The following SV2B variants were observed in gnomAD, a reference collection of about 807,000 sequenced individuals.
The protein encoded by SV2B is solute carrier family 22 member B2.
A neutral mutation model predicts 73.9 loss-of-function variants in SV2B; 41 were observed. The ratio of observed to expected loss-of-function variants is 0.56; its 90% CI spans 0.43 to 0.72. The LOEUF is 0.72. SV2B is among the 30% of genes least tolerant of loss of function. The pLI is 0.00. For synonymous variants in SV2B, 314 were observed against 314.2 expected, an observed-to-expected ratio of 1.00 and a Z score of 0.01; for missense variants, 764 against 857.8, an observed-to-expected ratio of 0.89 and a Z score of 1.37.
At chr15:91,168,331 A>AGAGAGAGAGAGAGAGAG (rs58086579) in intron 1 of SV2B, among the ~76,000 whole-genome samples, 14 of 151,124 alleles carry the variant, frequency 9.3e-5, no homozygotes, top group African/African-American at 1.5e-4. Context: ...AGAGAGAGAG[A>AGAGAGAGAGAGAGAGAG]AAAGAAATTT....
intron 4 of SV2B, among the ~76,000 whole-genome samples, chr15:91,255,785 A>C (rs1283356590): frequency 2.6e-5 from 4 of 152,194 alleles, no homozygotes; most frequent in Non-Finnish European, 5.9e-5. Flanking sequence ...CATCCTAGAA[A>C]TATGGTAGAC....
chr15:91,217,933 A>G (rs1567354773), intron 1 of SV2B, among the ~76,000 whole-genome samples: 2 of 152,196 alleles, frequency 1.3e-5, no homozygotes, highest in African/African-American at 4.8e-5. Flanking sequence ...ACAAAAGACT[A>G]TTTTGTACGG....
intron 9 of SV2B, among the ~76,000 whole-genome samples, chr15:91,269,213 G>A (rs2048213860): frequency 6.6e-6 from 1 of 152,106 alleles, no homozygotes; most frequent in African/African-American, 2.4e-5. Context: ...TGGGACAAAT[G>A]AGATGGGCCA....
rs2046301624 is a variant in SV2B at position 91,224,115 on chromosome 15, C to T, written c.-391-1758C>T. Among the ~76,000 whole-genome samples, 1 of 152,168 alleles carries T rather than the reference C, an allele frequency of 6.6e-6. No homozygotes were observed. Among genetic ancestry groups the T allele is most frequent in the Non-Finnish European group, 1.5e-5 (1 of 68,034 alleles). Reference sequence around the variant, plus strand: ...GTCCAGGGCTGAAGACCAGGAGGGCCAGGAAGCAGGTGTGGGGCAGAGGGC... The same window carrying T: ...GTCCAGGGCTGAAGACCAGGAGGGCTAGGAAGCAGGTGTGGGGCAGAGGGC... On this transcript the variant is annotated intron_variant, in intron 1 of 12. Transcript: ENST00000394232. The surrounding 1 kb of genome is among the most constrained non-coding windows in gnomAD (Gnocchi z 4.9).
At chr15:91,180,000 CATT>C (rs1194038075) in intron 1 of SV2B, among the ~76,000 whole-genome samples, 18 of 151,644 alleles carry the variant, frequency 1.2e-4, no homozygotes, top group African/African-American at 3.9e-4. Flanking sequence ...ATGGTCTTTA[CATT>C]TTGGCATGAT....
At chr15:91,166,690 C>A (rs550483114) in intron 1 of SV2B, among the ~76,000 whole-genome samples, 7 of 152,062 alleles carry the variant, frequency 4.6e-5, no homozygotes, top group Non-Finnish European at 8.8e-5. Flanking sequence ...TTTAATTGAC[C>A]TATTTTCAAG....
chr15:91,282,112 A>G (rs1157175553), intron 10 of SV2B, among the ~76,000 whole-genome samples: 1 of 152,252 alleles, frequency 6.6e-6, no homozygotes, highest in Non-Finnish European at 1.5e-5. Flanking sequence ...GTTGTAGCCA[A>G]ATGTCCTCAT....
At chr15:91,148,968 T>A (rs2043227569) in intron 1 of SV2B, among the ~76,000 whole-genome samples, 1 of 152,172 alleles carries the variant, frequency 6.6e-6, no homozygotes, top group African/African-American at 2.4e-5. Flanking sequence ...CACAGACACA[T>A]CCAGAATAAT....
chr15:91,115,117 C>G lies in SV2B; in HGVS notation c.-392+14754C>G, dbSNP rs1483963547. ...GAAAGAAGGGGACATAGGTCCTGAGCAGGCAAAGCCAACAGGTGTCCACTA... is the reference window on the plus strand; with the variant it reads ...GAAAGAAGGGGACATAGGTCCTGAGGAGGCAAAGCCAACAGGTGTCCACTA... On this transcript the variant is annotated intron_variant, in intron 1 of 12. Transcript: ENST00000394232. This position sits in a 1 kb window ranked among gnomAD's most constrained non-coding sequence, Gnocchi z 4.3. 3.9e-5 allele frequency among the ~76,000 whole-genome samples: 6 copies of G among 152,206 alleles called. No homozygotes were observed. Among genetic ancestry groups the G allele is most frequent in the African/African-American group, 1.4e-4 (6 of 41,458 alleles).
chr15:91,152,764 C>T (rs903772677), intron 1 of SV2B, among the ~76,000 whole-genome samples: 17 of 152,164 alleles, frequency 1.1e-4, no homozygotes, highest in African/African-American at 4.1e-4. Context: ...GGTTTTCTTT[C>T]TGAGCTTCCT....
chr15:91,190,612 G>A (rs149906780), intron 1 of SV2B, among the ~76,000 whole-genome samples: 62 of 152,252 alleles, frequency 4.1e-4, no homozygotes, highest in African/African-American at 1.4e-3. Context: ...GCCAAAGGCA[G>A]AATATTTCTT....
At chr15:91,209,592 G>C (rs2045779856) in intron 1 of SV2B, among the ~76,000 whole-genome samples, 1 of 152,214 alleles carries the variant, frequency 6.6e-6, no homozygotes, top group African/African-American at 2.4e-5. Context: ...GCCAGACTGA[G>C]ATAATATGTG....
chr15:91,204,168 A>C (rs1481923911), intron 1 of SV2B, among the ~76,000 whole-genome samples: 2 of 152,026 alleles, frequency 1.3e-5, no homozygotes, highest in Non-Finnish European at 2.9e-5. Flanking sequence ...GCTCCCTCTG[A>C]CCCTGCTATG....
intron 1 of SV2B, among the ~76,000 whole-genome samples, chr15:91,202,747 C>T (rs1261292854): frequency 1.3e-5 from 2 of 152,238 alleles, no homozygotes; most frequent in East Asian, 3.9e-4. Context: ...GCTACAGTCT[C>T]AACACTCCAG....
At chr15:91,210,535 G>T (rs2045818547) in intron 1 of SV2B, among the ~76,000 whole-genome samples, 1 of 152,154 alleles carries the variant, frequency 6.6e-6, no homozygotes, top group Non-Finnish European at 1.5e-5. Context: ...CCTGCCAGCT[G>T]CTCTCAGACT....
intron 1 of SV2B, among the ~76,000 whole-genome samples, chr15:91,212,810 A>T (rs1332580129): frequency 2.0e-5 from 3 of 151,588 alleles, no homozygotes; most frequent in Non-Finnish European, 4.4e-5. Flanking sequence ...TTTAAAAAAT[A>T]AGAAAAAGAA....
chr15:91,158,745 C>A (rs2043605806), intron 1 of SV2B, among the ~76,000 whole-genome samples: 1 of 92,374 alleles, frequency 1.1e-5, no homozygotes, highest in Non-Finnish European at 2.2e-5. Context: ...TCTTTTTTCT[C>A]TCTCTGCCTC....
In SV2B at chr15:91,171,697, C is replaced by T. The variant is rs112649589; in HGVS notation, c.-391-54176C>T. On this transcript the variant is annotated intron_variant, in intron 1 of 12. Coordinates refer to ENST00000394232, the MANE Select transcript of SV2B (RefSeq NM_001323032.3). ...TGTGGATTGCTGTGGCTTTATTGAT[C>T]GGCAACAATCGCTTGCTCTCACAAA... Among the ~76,000 whole-genome samples, 235 of 152,296 alleles carry T rather than the reference C, an allele frequency of 1.5e-3. 2 individuals are homozygous for T. Among genetic ancestry groups the T allele is most frequent in the African/African-American group, 5.3e-3 (221 of 41,556 alleles).
In SV2B at chr15:91,118,321, G is replaced by A. The variant is rs757470841; in HGVS notation, c.-392+17958G>A. 6.6e-6 allele frequency among the ~76,000 whole-genome samples: 1 copy of A among 152,218 alleles called. No homozygotes were observed. Among genetic ancestry groups the A allele is most frequent in the Non-Finnish European group, 1.5e-5 (1 of 68,042 alleles). Reference sequence around the variant, plus strand: ...GTGCCCTGGAGTTTGGGGCATAGAAGACATAGAGCCTGGTGCCTCTTCTAG... The same window carrying A: ...GTGCCCTGGAGTTTGGGGCATAGAAAACATAGAGCCTGGTGCCTCTTCTAG... On this transcript the variant is annotated intron_variant, in intron 1 of 12. Coordinates refer to ENST00000394232, the MANE Select transcript of SV2B (RefSeq NM_001323032.3). This position sits in a 1 kb window ranked among gnomAD's most constrained non-coding sequence, Gnocchi z 4.7.
Sources: allele counts gnomAD v4.1 joint callset (sites outside exome capture counted in the v4.1 genomes callset), GRCh38; gene constraint gnomAD v4.1.1; non-coding constraint Gnocchi (gnomAD v3.1); transcripts MANE v1.5; gene names NCBI Gene and HGNC (gene_info 2026-07-23, HGNC 2026-07-21).